SH3RF2: variants seen among roughly 807,000 people sequenced by gnomAD.
SH3RF2 encodes the protein E3 ubiquitin-protein ligase SH3RF2.
SH3RF2 carries 43 observed loss-of-function variants against 59.0 expected under a neutral mutation model. The observed-to-expected ratio is 0.73, with a 90% confidence interval of 0.57 to 0.94. The LOEUF (loss-of-function observed/expected upper bound fraction) is 0.94, where lower values mean the gene tolerates loss of function less well. Among genes scored for constraint, SH3RF2 ranks in the 40% least tolerant of loss-of-function variants. SH3RF2 has a pLI of 0.00. For synonymous variants in SH3RF2, 391 were observed against 391.5 expected (o/e 1.00, Z 0.01); for missense variants, 930 against 940.1 (o/e 0.99, Z 0.14).
chr5:145,990,925 C>CT (rs1309178762), intron 2 of SH3RF2, among the ~76,000 whole-genome samples: 2 of 152,190 alleles, frequency 1.3e-5, no homozygotes, highest in Non-Finnish European at 2.9e-5. Flanking sequence ...AACTTGGAAT[C>CT]TTTTTCCCTT....
Position 146,022,053 on chromosome 5 carries a change from C to A in SH3RF2, c.1059+7992C>A, listed in dbSNP as rs114358795. 5.0e-3 allele frequency among the ~76,000 whole-genome samples: 759 copies of A among 152,192 alleles called. 5 individuals carry two copies. The highest frequency in any genetic ancestry group is 0.017 in the African/African-American group (725 of 41,534). ...AATCCCTATCCTGTTATTTTTTGGA[C>A]TTTTTATAAAAGAAAATTTCAAACG... On this transcript the variant is annotated intron_variant, in intron 5 of 9. Transcript: ENST00000359120.
chr5:146,022,820 C>T (rs550735606), intron 5 of SH3RF2, among the ~76,000 whole-genome samples: 2 of 150,838 alleles, frequency 1.3e-5, no homozygotes, highest in East Asian at 2.0e-4. Context: ...TGCAGTGAGC[C>T]GAGATCTTGC....
At chr5:145,978,963 G>T (rs367600792) in intron 2 of SH3RF2, among the ~76,000 whole-genome samples, 42 of 152,088 alleles carry the variant, frequency 2.8e-4, no homozygotes, top group East Asian at 1.5e-3. Flanking sequence ...ACCAAGATTG[G>T]GTTCCTGTTT....
rs9885060 is a variant in SH3RF2, at chr5:146,019,930, G to A, written c.1059+5869G>A. On this transcript the variant is annotated intron_variant, in intron 5 of 9. Coordinates refer to ENST00000359120, the MANE Select transcript of SH3RF2 (RefSeq NM_152550.4). Reference sequence around the variant, plus strand: ...AGCTTGTTTGTTGTTGGTGTATAGCGATGCTGCTGATTTGTGTACATCGAT... The same window carrying A: ...AGCTTGTTTGTTGTTGGTGTATAGCAATGCTGCTGATTTGTGTACATCGAT... 9.1e-3 allele frequency among the ~76,000 whole-genome samples: 1,391 copies of A among 152,130 alleles called. 16 individuals are homozygous for A. Among genetic ancestry groups the A allele is most frequent in the African/African-American group, 0.031 (1,301 of 41,518 alleles).
intron 2 of SH3RF2, among the ~76,000 whole-genome samples, chr5:145,955,595 G>T (rs1366904739): frequency 6.6e-6 from 1 of 152,120 alleles, no homozygotes; most frequent in Admixed American, 6.5e-5. Context: ...TATTAGAAAG[G>T]TGGGAAGAAC....
intron 5 of SH3RF2, among the ~76,000 whole-genome samples, chr5:146,021,710 C>T (rs541125949): frequency 6.6e-6 from 1 of 150,688 alleles, no homozygotes; most frequent in South Asian, 2.1e-4. Context: ...CCTCCCACCT[C>T]TCTCTCTATT....
intron 2 of SH3RF2, among the ~76,000 whole-genome samples, chr5:145,947,219 AGG>A (rs1311078287): frequency 2.0e-5 from 3 of 150,906 alleles, no homozygotes; most frequent in African/African-American, 7.3e-5. Context: ...TAATAGGAAT[AGG>A]TATTTAGTAT....
At chr5:145,966,271 T>C (rs559885135) in intron 2 of SH3RF2, among the ~76,000 whole-genome samples, 169 of 152,244 alleles carry the variant, frequency 1.1e-3, no homozygotes, top group African/African-American at 4.0e-3. Context: ...CCAGAGAACA[T>C]GGCAAAGAGG....
intron 2 of SH3RF2, among the ~76,000 whole-genome samples, chr5:145,960,640 AG>A (rs1758596009): frequency 6.6e-6 from 1 of 152,218 alleles, no homozygotes; most frequent in South Asian, 2.1e-4. Flanking sequence ...TAAAAGGGGT[AG>A]GCTGACCTGC....
intron 5 of SH3RF2, among the ~76,000 whole-genome samples, chr5:146,026,130 G>C (rs1761522848): frequency 6.6e-6 from 1 of 152,196 alleles, no homozygotes; most frequent in Non-Finnish European, 1.5e-5. Context: ...AGATATGGAG[G>C]AGGGGGTGAT....
At chr5:145,968,881 G>A (rs1019099221) in intron 2 of SH3RF2, among the ~76,000 whole-genome samples, 1 of 152,294 alleles carries the variant, frequency 6.6e-6, no homozygotes, top group African/African-American at 2.4e-5. Context: ...TCACTAGGGA[G>A]TGGAATTAGA....
At chr5:146,038,191 T>C (rs977231211) in intron 5 of SH3RF2, among the ~76,000 whole-genome samples, 1 of 152,236 alleles carries the variant, frequency 6.6e-6, no homozygotes, top group Non-Finnish European at 1.5e-5. Context: ...TTAATGTGAT[T>C]AATGGAATCT....
intron 2 of SH3RF2, among the ~76,000 whole-genome samples, chr5:145,993,336 C>G (rs1760025290): frequency 6.6e-6 from 1 of 152,292 alleles, no homozygotes; most frequent in East Asian, 1.9e-4. Flanking sequence ...ATTCTGTGGT[C>G]TGGAGGATGG....
At chr5:146,037,085 C>T (rs918615195) in intron 5 of SH3RF2, among the ~76,000 whole-genome samples, 1 of 152,190 alleles carries the variant, frequency 6.6e-6, no homozygotes, top group Non-Finnish European at 1.5e-5. Context: ...CAGACATCTG[C>T]TTTGTATGTC....
chr5:145,975,647 G>A (rs775758343), intron 2 of SH3RF2, among the ~76,000 whole-genome samples: 4 of 152,206 alleles, frequency 2.6e-5, no homozygotes, highest in Non-Finnish European at 4.4e-5. Context: ...TGATCTTGGT[G>A]GTTCACAGTC....
chr5:145,942,760 C>T (rs1328092915), intron 2 of SH3RF2, among the ~76,000 whole-genome samples: 1 of 152,214 alleles, frequency 6.6e-6, no homozygotes, highest in Admixed American at 6.5e-5. Context: ...CAGCTTCACA[C>T]ACATTTACAA....
At chr5:146,068,713 A>G (rs1234114174) in intron 9 of SH3RF2, among the ~76,000 whole-genome samples, 1 of 152,158 alleles carries the variant, frequency 6.6e-6, no homozygotes. Context: ...AAGCAGAAAC[A>G]GTGTTCCCAG....
chr5:145,937,916 G>T lies in SH3RF2; in HGVS notation c.-13G>T, dbSNP rs1293266192. 1.2e-6 allele frequency: 2 copies of T among 1,607,076 alleles called. No homozygotes were observed. Among genetic ancestry groups the T allele is most frequent in the Admixed American group, 3.4e-5 (2 of 59,564 alleles). On this transcript the variant is annotated 5_prime_UTR_variant, in exon 2 of 10. Coordinates refer to ENST00000359120, the MANE Select transcript of SH3RF2 (RefSeq NM_152550.4). The stretch of plus-strand genomic sequence containing the variant: ...GCTGCTCCTCCAGGTGGGAACTGGA[G>T]TTTTGAAATAAAATGGATGATTTGA...
chr5:146,000,840 T>C (rs1236474835), intron 3 of SH3RF2, among the ~76,000 whole-genome samples: 1 of 152,244 alleles, frequency 6.6e-6, no homozygotes, highest in Non-Finnish European at 1.5e-5. Context: ...TCTGCTCTCC[T>C]GGCAGAGTAA....
Sources: gnomAD v4.1 joint callset for allele counts (sites outside exome capture counted in the v4.1 genomes callset) on GRCh38, gnomAD v4.1.1 for gene constraint, MANE v1.5 for transcripts, NCBI Gene and HGNC (gene_info 2026-07-23, HGNC 2026-07-21) for gene names.